Variants in TASOR observed in about 807,000 individuals in gnomAD.
The protein encoded by TASOR is protein TASOR.
TASOR carries 53 observed loss-of-function variants against 178.6 expected under a neutral mutation model. The observed-to-expected ratio is 0.30, with a 90% CI of 0.24 to 0.37. The LOEUF is 0.37. Among genes scored for constraint, TASOR ranks in the 10% least tolerant of loss-of-function variants. TASOR has a pLI of 1.00. For synonymous variants in TASOR, 713 were observed against 696.2 expected (o/e 1.02, Z -0.38); for missense variants, 1,815 against 1,971.4 (o/e 0.92, Z 1.50).
chr3:56,623,327 C>A lies in TASOR; in HGVS notation c.4723G>T (p.Asp1575Tyr). ...YLDSEERTSI[D>Y]IVCSEGENSN... ...TTCTCTCCTTCAGAGCATACTATAT[C>A]AATAGAAGTTCTCTCTTCAGAATCA... The change falls in exon 24 of 24, where the codon GAT (aspartate) becomes TAT (tyrosine). Residue 1575 changes from aspartate to tyrosine, a missense_variant. Around this residue, in one of 5 missense-constraint regions of TASOR, gnomAD observed 278 missense variants for 257.1 expected, o/e 1.08. Coordinates refer to ENST00000683822, the MANE Select transcript of TASOR (RefSeq NM_001365635.2). 1 of 1,613,522 alleles carries A rather than the reference C, an allele frequency of 6.2e-7. No homozygotes were observed. Among genetic ancestry groups the A allele is most frequent in the Non-Finnish European group, 8.5e-7 (1 of 1,179,956 alleles).
intron 11 of TASOR, among the ~76,000 whole-genome samples, chr3:56,653,400 G>A (rs2077399256): frequency 6.6e-6 from 1 of 150,624 alleles, no homozygotes; most frequent in African/African-American, 2.4e-5. Flanking sequence ...ATACCAAGCT[G>A]GATAAATAGA....
chr3:56,653,799 T>G (rs1018029109), intron 11 of TASOR, among the ~76,000 whole-genome samples: 1 of 151,866 alleles, frequency 6.6e-6, no homozygotes, highest in Admixed American at 6.6e-5. Context: ...TACCTCTACA[T>G]CATATATCAA....
rs769420571 is a variant in TASOR at position 56,660,760 on chromosome 3, A to C, written c.1339T>G (p.Leu447Val). The change falls in exon 11 of 24, where the codon TTA becomes GTA. Residue 447 changes from leucine (L) to valine (V), a missense_variant. Around this residue, in one of 5 missense-constraint regions of TASOR, gnomAD observed 504 missense variants for 645.3 expected, o/e 0.78. Transcript: ENST00000683822. ...TTTTCTCTGTCTAGTTTTTGCAGTA[A>C]ACTCTCCATGTTACTTCCAATTCTT... ...KTRIGSNMES[L>V]LQKLDREKLV... 2 of 1,613,586 alleles carry C rather than the reference A, an allele frequency of 1.2e-6. No individual in the cohort carries two copies. The highest frequency in any genetic ancestry group is 2.2e-5 in the South Asian group (2 of 91,006).
Position 56,641,748 on chromosome 3 carries a change from A to G in TASOR, c.2220T>C (p.Ser740=), listed in dbSNP as rs746866492. The change falls in exon 15 of 24, where the codon TCT becomes TCC. Residue 740 remains serine, a synonymous_variant. Transcript: ENST00000683822. ...GTCCAAGTGAGCCAATAGGCTGTGG[A>G]GACTCTGAGAAAAAGGAAGTCATTG... ...LSENCHLYEE[S]PQPIGSLGHD... is the part of the protein sequence containing the mutation. 3 of 1,596,574 alleles carry G rather than the reference A, an allele frequency of 1.9e-6. No individual in the cohort carries two copies. In the Admixed American group the frequency reaches 5.2e-5, roughly 28 times the overall value.
chr3:56,638,323 G>A (rs769606714), intron 17 of TASOR, among the ~76,000 whole-genome samples: 2 of 152,070 alleles, frequency 1.3e-5, no homozygotes, highest in East Asian at 3.9e-4. Context: ...CCAAGGTCAC[G>A]CCACTGCACT....
intron 11 of TASOR, among the ~76,000 whole-genome samples, chr3:56,658,485 C>CTA (rs2077519164): frequency 6.6e-6 from 1 of 152,188 alleles, no homozygotes. Flanking sequence ...TCCAAACCTA[C>CTA]TATCTCAACT....
intron 2 of TASOR, 63 bp downstream of exon 2, chr3:56,673,517 T>G (rs2030962264): frequency 7.6e-7 from 1 of 1,318,838 alleles, no homozygotes; most frequent in Admixed American, 3.4e-5. Flanking sequence ...AGAGAACATT[T>G]TTTTCCCAGG....
At chr3:56,623,963 T>A (rs1410436974) in intron 23 of TASOR, 13 of 752,072 alleles carry the variant, frequency 1.7e-5, no homozygotes, top group Non-Finnish European at 2.7e-5. Context: ...TCATTTCTGC[T>A]TTTTTTCATC....
Position 56,683,082 on chromosome 3 carries a change from G to A in TASOR, c.-76C>T. ...TGTGGGGGGAAGGGGCGGCGGGCCAGTCTCGCCGCCGAGCTGCTCTCAGCC... is the reference window on the plus strand; with the variant it reads ...TGTGGGGGGAAGGGGCGGCGGGCCAATCTCGCCGCCGAGCTGCTCTCAGCC... On this transcript the variant is annotated 5_prime_UTR_variant, in exon 1 of 24. Coordinates refer to ENST00000683822, the MANE Select transcript of TASOR (RefSeq NM_001365635.2). The A allele has an allele frequency of 2.8e-6, 4 of 1,410,092 alleles. No individual in the cohort carries two copies. The South Asian group carries it at 4.4e-5, about 15-fold the overall frequency. 87.3% of individuals were successfully genotyped at this position (1,410,092 alleles called of 1,614,324 possible).
In TASOR at chr3:56,620,198, C is replaced by A. The variant is rs2076209173; in HGVS notation, c.*2839G>T. ...TGGAACGGCAAAACATCAATAAGGC[C>A]CTAAAACAAAAAATACAGTTATGCT... On this transcript the variant is annotated 3_prime_UTR_variant, in exon 24 of 24. Coordinates refer to ENST00000683822, the MANE Select transcript of TASOR (RefSeq NM_001365635.2). The A allele has an allele frequency of 5.5e-6, 1 of 182,796 alleles. No individual in the cohort carries two copies. Among genetic ancestry groups the A allele is most frequent in the African/African-American group, 2.4e-5 (1 of 42,470 alleles). The allele number at this position is 182,796 out of a possible 1,614,324, so 11.3% of individuals were successfully genotyped here. A position where few individuals can be genotyped will look rare whatever the true frequency, so the allele number is the denominator to read the frequency against.
At chr3:56,660,579 C>T in intron 11 of TASOR, 152 bp downstream of exon 11, 1 of 590,602 alleles carries the variant, frequency 1.7e-6, no homozygotes, top group Non-Finnish European at 3.0e-6. Flanking sequence ...ATACCAGAAC[C>T]ACAGTAAAAC....
At position 56,633,797 on chromosome 3, in the gene TASOR, C is replaced by T; in HGVS notation, c.2994G>A (p.Val998=). Residue 998 remains valine (V), a synonymous_variant, in exon 18 of 24, where the codon GTG becomes GTA. Coordinates refer to ENST00000683822, the MANE Select transcript of TASOR (RefSeq NM_001365635.2). ...TTEDDVLTGQ[V]EEQCVPAAEA... ...CTGCTGCTGGCACACACTGCTCCTCCACCTGACCTGTCAACACGTCATCCT... is the reference window on the plus strand; with the variant it reads ...CTGCTGCTGGCACACACTGCTCCTCTACCTGACCTGTCAACACGTCATCCT... 1 of 1,614,214 alleles carries T rather than the reference C, an allele frequency of 6.2e-7. No individual in the cohort carries two copies. The highest frequency in any genetic ancestry group is 8.5e-7 in the Non-Finnish European group (1 of 1,180,034).
chr3:56,663,755 C>G (rs79557821), intron 7 of TASOR, 183 bp from the exon 8 acceptor site: 5 of 1,045,272 alleles, frequency 4.8e-6, no homozygotes, highest in Non-Finnish European at 5.8e-6. Flanking sequence ...TTAGAGAAAA[C>G]AGAAGTACTT....
At chr3:56,646,011 G>A (rs1033577750) in intron 14 of TASOR, among the ~76,000 whole-genome samples, 4 of 152,108 alleles carry the variant, frequency 2.6e-5, no homozygotes, top group African/African-American at 9.7e-5. Context: ...AGCCGGGCAT[G>A]GTGGCAGGCG....
intron 11 of TASOR, among the ~76,000 whole-genome samples, chr3:56,653,222 C>T (rs2077388603): frequency 7.8e-6 from 1 of 127,488 alleles, no homozygotes; most frequent in Admixed American, 9.6e-5. Flanking sequence ...AAGATCATGC[C>T]ACTGCACACC....
At chr3:56,648,425 C>A (rs7628409) in intron 13 of TASOR, among the ~76,000 whole-genome samples, 1 of 151,678 alleles carries the variant, frequency 6.6e-6, no homozygotes, top group Non-Finnish European at 1.5e-5. Context: ...GTCAGGAGTT[C>A]GAGACCAGCC....
At chr3:56,671,729 G>A (rs996724065) in intron 2 of TASOR, 37 bp from the exon 3 acceptor site, 1 of 1,414,184 alleles carries the variant, frequency 7.1e-7, no homozygotes, top group East Asian at 2.5e-5. Context: ...TACTTAGCAT[G>A]TGATTATGTT....
Position 56,668,380 on chromosome 3 carries a change from C to CG in TASOR, c.897+16dup. On this transcript the variant is annotated intron_variant, in intron 6 of 23. Transcript: ENST00000683822. ...CAGGTATGAGATCACAACATTACAA[C>CG]GGATCCTGGAACCTACCTGAGTAAG... is the stretch of plus-strand genomic sequence containing the variant. The CG allele has an allele frequency of 1.3e-6, 2 of 1,548,696 alleles. No individual in the cohort carries two copies. Among genetic ancestry groups the CG allele is most frequent in the Non-Finnish European group, 1.7e-6 (2 of 1,145,756 alleles).
rs190121032 is a variant in TASOR at position 56,631,309 on chromosome 3, T to C, written c.3747+1735A>G. 3.3e-5 allele frequency among the ~76,000 whole-genome samples: 5 copies of C among 152,266 alleles called. No homozygotes were observed. In the South Asian group the frequency reaches 8.3e-4, roughly 25 times the overall value. On this transcript the variant is annotated intron_variant, in intron 18 of 23. Coordinates refer to ENST00000683822, the MANE Select transcript of TASOR (RefSeq NM_001365635.2). ...TTACAGAAGGCTTAGGACATGTTAG[T>C]AGCTATAAAGCCCATGGTCCCTCTG... is the stretch of plus-strand genomic sequence containing the variant.
Sources: gnomAD v4.1 joint callset for allele counts (sites outside exome capture counted in the v4.1 genomes callset) on GRCh38, gnomAD v4.1.1 for gene constraint, gnomAD v4.1.1 regional missense constraint, MANE v1.5 for transcripts, NCBI Gene and HGNC (gene_info 2026-07-23, HGNC 2026-07-21) for gene names.